Variants in NPEPL1 observed in about 807,000 individuals in gnomAD.
NPEPL1 encodes aminopeptidase like 1.
Under a neutral mutation model 52.4 loss-of-function variants are expected in NPEPL1, and 45 were observed. That is an observed-to-expected ratio of 0.86 (90% CI 0.68 to 1.10). The LOEUF (loss-of-function observed/expected upper bound fraction) is 1.10, where lower values mean the gene tolerates loss of function less well. Among genes scored for constraint, NPEPL1 ranks in the 50% least tolerant of loss-of-function variants. NPEPL1 has a pLI of 0.00. For synonymous variants in NPEPL1, 360 were observed against 314.7 expected (o/e 1.14, Z -1.52); for missense variants, 696 against 710.9 (o/e 0.98, Z 0.24).
chr20:58,705,556 C>T lies in NPEPL1; in HGVS notation c.823-1567C>T, dbSNP rs1450238110. The T allele has an allele frequency of 6.6e-6, 3 of 456,258 alleles. No homozygotes were observed. The East Asian group carries it at 2.1e-4, about 32-fold the overall frequency. 28.3% of individuals were successfully genotyped at this position (456,258 alleles called of 1,614,324 possible). ...CTCTTTGGGACTGTGGCCTGATACTCCAGCACAGGGGGTGTAAGTGTCAGC... is the reference window on the plus strand; with the variant it reads ...CTCTTTGGGACTGTGGCCTGATACTTCAGCACAGGGGGTGTAAGTGTCAGC... On this transcript the variant is annotated intron_variant, in intron 6 of 11. Transcript: ENST00000356091.
intron 7 of NPEPL1, among the ~76,000 whole-genome samples, chr20:58,707,715 T>TGGG (rs539320427): frequency 1.3e-4 from 5 of 39,600 alleles, no homozygotes; most frequent in Admixed American, 2.9e-4. Context: ...TCGGGGGGCG[T>TGGG]GGGGGGGGTG....
At chr20:58,696,410 T>C (rs909791041) in intron 3 of NPEPL1, among the ~76,000 whole-genome samples, 1 of 152,228 alleles carries the variant, frequency 6.6e-6, no homozygotes, top group African/African-American at 2.4e-5. Flanking sequence ...TCTCCTGTGC[T>C]CCTCACTGGG....
chr20:58,693,102 G>A (rs2084388246), intron 1 of NPEPL1, 52 bp downstream of exon 1: 15 of 988,268 alleles, frequency 1.5e-5, no homozygotes, highest in Non-Finnish European at 1.8e-5. Flanking sequence ...GCCCAGGCCC[G>A]GGCGGCCCGC....
intron 11 of NPEPL1, 28 bp from the exon 12 acceptor site, chr20:58,715,138 CAG>C: frequency 1.3e-6 from 2 of 1,582,492 alleles, no homozygotes; most frequent in Non-Finnish European, 1.7e-6. Flanking sequence ...GCCCCACGCC[CAG>C]AGTCTGTGTC....
chr20:58,692,992 T>G lies in NPEPL1; in HGVS notation c.92T>G (p.Leu31Arg). The G allele has an allele frequency of 8.6e-7, 1 of 1,166,508 alleles. No homozygotes were observed. The allele number at this position is 1,166,508 out of a possible 1,614,324, so 72.3% of individuals were successfully genotyped here. A position where few individuals can be genotyped will look rare whatever the true frequency, so the allele number is the denominator to read the frequency against. ...CTGCTGCTCGGGCAGCTGCACCACC[T>G]GCACCGCGTGCCCTGGAGCCACGTC... is the stretch of plus-strand genomic sequence containing the variant. The part of the protein sequence containing the change: ...PLLLLGQLHH[L>R]HRVPWSHVRG... The change falls in exon 1 of 12, where the codon CTG (leucine) becomes CGG (arginine). Residue 31 changes from leucine to arginine, a missense_variant. Physicochemically the swap from Leu to Arg is moderately radical, Grantham distance 102 (BLOSUM62 -2). Coordinates refer to ENST00000356091, the MANE Select transcript of NPEPL1 (RefSeq NM_024663.4). The surrounding 1 kb of genome is among the most constrained non-coding windows in gnomAD (Gnocchi z 5.7).
chr20:58,698,930 G>A (rs1277916243), intron 4 of NPEPL1, among the ~76,000 whole-genome samples, 157 bp downstream of exon 4: 1 of 152,210 alleles, frequency 6.6e-6, no homozygotes. Flanking sequence ...CCGGGCTCCA[G>A]GAAGCCTCAG....
rs544938608 is a variant in NPEPL1 at position 58,714,092 on chromosome 20, C to T, written c.1301C>T (p.Ala434Val). The T allele has an allele frequency of 6.5e-6, 10 of 1,544,524 alleles. No homozygotes were observed. The Middle Eastern group carries it at 5.7e-4, about 88-fold the overall frequency. ...GTGGCGGACATGAAGAACTCAGTGG[C>T]GGTAGGTTTGGAGCCTCGAACCTGG... is the stretch of plus-strand genomic sequence containing the variant. ...SAVADMKNSV[A>V]DRDNSPSSCA... The change falls in exon 10 of 12, where the codon GCG (alanine) becomes GTG (valine). Residue 434 changes from alanine to valine, a missense_variant and splice_region_variant. Coordinates refer to ENST00000356091, the MANE Select transcript of NPEPL1 (RefSeq NM_024663.4).
chr20:58,691,052 G>C, upstream of NPEPL1: 1 of 701,328 alleles, frequency 1.4e-6, no homozygotes, highest in Non-Finnish European at 2.6e-6. Context: ...CCACGTGGAA[G>C]GCCTTCTTTC....
upstream of NPEPL1, among the ~76,000 whole-genome samples, chr20:58,690,710 T>G (rs193187926): frequency 2.2e-4 from 33 of 152,360 alleles, no homozygotes; most frequent in Admixed American, 1.7e-3. Flanking sequence ...TTGGTTGAAT[T>G]GAATCATTTT....
intron 7 of NPEPL1, among the ~76,000 whole-genome samples, chr20:58,709,270 G>A (rs771343992): frequency 1.3e-4 from 20 of 151,868 alleles, no homozygotes; most frequent in Admixed American, 2.6e-4. Flanking sequence ...ACATATCCTT[G>A]TTGGCCTCTT....
chr20:58,694,392 C>T (rs1601092430), intron 2 of NPEPL1, 30 bp from the exon 3 acceptor site: 2 of 1,573,144 alleles, frequency 1.3e-6, no homozygotes, highest in South Asian at 1.2e-5. Context: ...GGCCCTTGCA[C>T]CCCTCACGCC....
At position 58,692,960 on chromosome 20, in the gene NPEPL1, GC is replaced by G; in HGVS notation, c.64del (p.Leu22CysfsTer35). ...SAGDSDPQSR[P>X]LLLLGQLHHL... ...CGGGGGACTCGGACCCACAGAGCCG[GC>G]CCCTGCTGCTGCTCGGGCAGCTGCA... On this transcript the variant is annotated frameshift_variant, in exon 1 of 12. Transcript: ENST00000356091. LOFTEE classifies it high-confidence loss of function. The surrounding 1 kb of genome is among the most constrained non-coding windows in gnomAD (Gnocchi z 5.7). 5 of 1,189,524 alleles carry G rather than the reference GC, an allele frequency of 4.2e-6. No homozygotes were observed. Among genetic ancestry groups the G allele is most frequent in the South Asian group, 2.0e-5 (1 of 50,542 alleles). 73.7% of individuals were successfully genotyped at this position (1,189,524 alleles called of 1,614,324 possible).
intron 3 of NPEPL1, among the ~76,000 whole-genome samples, chr20:58,694,910 G>A (rs373490239): frequency 5.9e-4 from 90 of 152,334 alleles, no homozygotes; most frequent in Middle Eastern, 6.8e-3. Flanking sequence ...CGTGTGTGAT[G>A]TATGCACGTG....
intron 3 of NPEPL1, among the ~76,000 whole-genome samples, chr20:58,697,001 C>A (rs6128407): frequency 6.6e-6 from 1 of 152,090 alleles, no homozygotes; most frequent in Non-Finnish European, 1.5e-5. Flanking sequence ...TTCTTCCCTG[C>A]GGGAACCTTC....
chr20:58,697,854 C>T (rs1454344359), intron 3 of NPEPL1, among the ~76,000 whole-genome samples: 2 of 152,224 alleles, frequency 1.3e-5, no homozygotes, highest in African/African-American at 2.4e-5. Context: ...ATTTTTGGGA[C>T]CCACGTGATG....
rs779600933 is a variant in NPEPL1, at chr20:58,715,219, C to G, written c.1465C>G (p.Arg489Gly). 9 of 1,608,566 alleles carry G rather than the reference C, an allele frequency of 5.6e-6. No individual in the cohort carries two copies. Among genetic ancestry groups the G allele is most frequent in the South Asian group, 2.2e-5 (2 of 90,178 alleles). ...GVALLLALFGRASEDPLLNLV... is the reference protein window; with the variant it reads ...GVALLLALFGGASEDPLLNLV... Reference sequence around the variant, plus strand: ...GGCCCTCCTGCTGGCGCTCTTCGGCCGTGCCTCTGAGGACCCTCTGCTGAA... The same window carrying G: ...GGCCCTCCTGCTGGCGCTCTTCGGCGGTGCCTCTGAGGACCCTCTGCTGAA... The change falls in exon 12 of 12, where the codon CGT becomes GGT. Residue 489 changes from arginine to glycine, a missense_variant. Transcript: ENST00000356091.
chr20:58,706,782 A>G (rs1044878535), intron 6 of NPEPL1, among the ~76,000 whole-genome samples: 5 of 152,164 alleles, frequency 3.3e-5, no homozygotes, highest in African/African-American at 9.7e-5. Flanking sequence ...CCCTGTTTCA[A>G]TGTCAGAGCC....
intron 6 of NPEPL1, chr20:58,705,590 A>G (rs1260670759): frequency 2.2e-6 from 1 of 455,636 alleles, no homozygotes; most frequent in Admixed American, 2.4e-5. Context: ...GCCCCGTGAA[A>G]AAGGCAGAGA....
chr20:58,691,408 C>G, upstream of NPEPL1: 3 of 408,240 alleles, frequency 7.3e-6, no homozygotes, highest in Non-Finnish European at 1.3e-5. Context: ...TTTTGAGTGC[C>G]TGCTCTGTGC....
Sources: gnomAD v4.1 joint callset for allele counts (sites outside exome capture counted in the v4.1 genomes callset) on GRCh38, gnomAD v4.1.1 for gene constraint, Gnocchi (gnomAD v3.1) non-coding constraint, MANE v1.5 for transcripts, NCBI Gene and HGNC (gene_info 2026-07-23, HGNC 2026-07-21) for gene names.